Variants in PTPRT observed in about 807,000 individuals in gnomAD.
PTPRT encodes the protein protein tyrosine phosphatase receptor type T.
A neutral mutation model predicts 176.8 loss-of-function variants in PTPRT; 56 were observed. That is an observed-to-expected ratio of 0.32 (90% CI 0.26 to 0.40). The LOEUF (loss-of-function observed/expected upper bound fraction) is 0.40. Among genes scored for constraint, PTPRT ranks in the 10% least tolerant of loss-of-function variants. The pLI is 1.00. For missense variants in PTPRT, 1,540 were observed against 1,908.2 expected (o/e 0.81, Z 3.60); for synonymous variants, 783 against 739.0 (o/e 1.06, Z -0.96).
chr20:42,834,448 A>C (rs2078146631), intron 2 of PTPRT, among the ~76,000 whole-genome samples: 1 of 152,160 alleles, frequency 6.6e-6, no homozygotes, highest in South Asian at 2.1e-4. Context: ...CATTTTGAAA[A>C]ACAGATTGAC....
chr20:43,148,089 T>C (rs948091375), intron 1 of PTPRT, among the ~76,000 whole-genome samples: 3 of 152,182 alleles, frequency 2.0e-5, no homozygotes, highest in South Asian at 2.1e-4. Flanking sequence ...ACACAGAGCA[T>C]TGACATTTCC....
At chr20:42,454,009 C>T (rs1334301191) in intron 8 of PTPRT, among the ~76,000 whole-genome samples, 1 of 151,918 alleles carries the variant, frequency 6.6e-6, no homozygotes, top group Non-Finnish European at 1.5e-5. Flanking sequence ...TGAATTTACT[C>T]TTAATCATTC....
intron 7 of PTPRT, among the ~76,000 whole-genome samples, chr20:42,614,424 C>T (rs1365561793): frequency 6.6e-6 from 1 of 152,172 alleles, no homozygotes; most frequent in East Asian, 1.9e-4. Flanking sequence ...AATCCAACCA[C>T]AACTTTCTTT....
At chr20:42,786,920 C>T (rs777722848) in intron 3 of PTPRT, among the ~76,000 whole-genome samples, 5 of 152,196 alleles carry the variant, frequency 3.3e-5, no homozygotes, top group East Asian at 1.9e-4. Flanking sequence ...CTCTGGACAT[C>T]ATCAGCTTTA....
intron 1 of PTPRT, among the ~76,000 whole-genome samples, chr20:42,911,976 C>CTTTTTTT (rs11475084): frequency 1.4e-3 from 179 of 123,678 alleles, no homozygotes; most frequent in Non-Finnish European, 1.9e-3. Flanking sequence ...ATCCTCTTTT[C>CTTTTTTT]TTTTTTTTTT....
chr20:42,434,390 G>A (rs1009231245), intron 9 of PTPRT, among the ~76,000 whole-genome samples: 3 of 151,990 alleles, frequency 2.0e-5, no homozygotes, highest in East Asian at 1.9e-4. Context: ...TCTAGGCACC[G>A]GGGATATACC....
intron 7 of PTPRT, among the ~76,000 whole-genome samples, chr20:42,639,722 G>C (rs1473681736): frequency 1.3e-5 from 2 of 152,004 alleles, no homozygotes; most frequent in African/African-American, 2.4e-5. Flanking sequence ...CAGGACACTA[G>C]GAGACACAAA....
At chr20:42,227,350 G>A (rs991105570) in intron 15 of PTPRT, among the ~76,000 whole-genome samples, 1 of 152,142 alleles carries the variant, frequency 6.6e-6, no homozygotes, top group Admixed American at 6.5e-5. Flanking sequence ...CAACCAGTGA[G>A]TAGATGACTT....
At chr20:42,589,783 T>C (rs1040072669) in intron 7 of PTPRT, among the ~76,000 whole-genome samples, 1 of 152,146 alleles carries the variant, frequency 6.6e-6, no homozygotes, top group Non-Finnish European at 1.5e-5. Context: ...CTAGTTCAAG[T>C]CTAAACCCAG....
chr20:42,462,341 C>T (rs2071034769), intron 8 of PTPRT, among the ~76,000 whole-genome samples: 1 of 152,210 alleles, frequency 6.6e-6, no homozygotes, highest in East Asian at 1.9e-4. Flanking sequence ...CTTCTGGCTT[C>T]CAAGTGAGAG....
At chr20:43,054,914 C>G (rs541495995) in intron 1 of PTPRT, among the ~76,000 whole-genome samples, 1 of 152,044 alleles carries the variant, frequency 6.6e-6, no homozygotes, top group African/African-American at 2.4e-5. Flanking sequence ...TAGCAATATG[C>G]GTGAGCCCAA....
chr20:42,236,086 G>A (rs2146857217), intron 15 of PTPRT, 143 bp downstream of exon 15: 2 of 629,524 alleles, frequency 3.2e-6, no homozygotes, highest in Middle Eastern at 2.7e-4. Flanking sequence ...ACACATTTAT[G>A]CAAAATAAAA....
At chr20:42,242,120 CA>C (rs1297429431) in intron 14 of PTPRT, among the ~76,000 whole-genome samples, 1 of 152,144 alleles carries the variant, frequency 6.6e-6, no homozygotes, top group Non-Finnish European at 1.5e-5. Flanking sequence ...CAAAACAAAA[CA>C]AAACAAAATT....
chr20:42,223,039 T>C (rs1181742949), intron 15 of PTPRT, among the ~76,000 whole-genome samples: 3 of 152,242 alleles, frequency 2.0e-5, no homozygotes, highest in South Asian at 2.1e-4. Flanking sequence ...AAACATCCCA[T>C]ACATTTGGTC....
intron 8 of PTPRT, among the ~76,000 whole-genome samples, chr20:42,468,952 A>C (rs1471757180): frequency 6.6e-6 from 1 of 152,160 alleles, no homozygotes; most frequent in Admixed American, 6.5e-5. Context: ...GAGCATCTAC[A>C]GTGTATTTCC....
chr20:42,455,662 C>A (rs1251737688), intron 8 of PTPRT, among the ~76,000 whole-genome samples: 1 of 152,132 alleles, frequency 6.6e-6, no homozygotes, highest in East Asian at 1.9e-4. Context: ...AATTATTTCT[C>A]CTCATCCTAG....
chr20:42,185,208 G>A (rs1278839366), intron 16 of PTPRT, among the ~76,000 whole-genome samples: 1 of 152,126 alleles, frequency 6.6e-6, no homozygotes, highest in African/African-American at 2.4e-5. Context: ...TCAGAATACT[G>A]TTGTCCCCAT....
intron 2 of PTPRT, among the ~76,000 whole-genome samples, chr20:42,808,318 T>G (rs573685452): frequency 6.6e-6 from 1 of 152,106 alleles, no homozygotes; most frequent in Non-Finnish European, 1.5e-5. Flanking sequence ...ACAGTGACAA[T>G]GGGTCTGGGG....
intron 7 of PTPRT, among the ~76,000 whole-genome samples, chr20:42,607,794 CTGTGGGCGCTTGCT>C (rs982237954): frequency 1.3e-5 from 2 of 152,096 alleles, no homozygotes; most frequent in African/African-American, 4.8e-5. Context: ...GCAGAGGGAC[CTGTGGGCGCTTGCT>C]TTTGCTTCCG....
Sources: allele counts gnomAD v4.1 joint callset (sites outside exome capture counted in the v4.1 genomes callset), GRCh38; gene constraint gnomAD v4.1.1; transcripts MANE v1.5; gene names NCBI Gene and HGNC (gene_info 2026-07-23, HGNC 2026-07-21).